STXBP5: variants seen among roughly 807,000 people sequenced by gnomAD.
The protein encoded by STXBP5 is syntaxin-binding protein 5.
Under a neutral mutation model 152.4 loss-of-function variants are expected in STXBP5, and 50 were observed. The observed-to-expected ratio is 0.33, with a 90% CI of 0.26 to 0.42. STXBP5 has a LOEUF of 0.42. STXBP5 is among the 10% of genes least tolerant of loss of function. The probability of loss-of-function intolerance (pLI) is 1.00; values close to 1 mark genes in which losing one functional copy is unlikely to be tolerated. For missense variants in STXBP5, 1,167 were observed against 1,388.6 expected (o/e 0.84, Z 2.54); for synonymous variants, 492 against 494.7 (o/e 0.99, Z 0.07).
At chr6:147,329,712 G>A (rs1354182350) in intron 18 of STXBP5, among the ~76,000 whole-genome samples, 3 of 125,538 alleles carry the variant, frequency 2.4e-5, no homozygotes, top group East Asian at 5.4e-4. Context: ...TGCAAGCTCC[G>A]CCTCCCGGGT....
intron 16 of STXBP5, 71 bp downstream of exon 16, chr6:147,316,478 G>T (rs1396586297): frequency 9.3e-6 from 12 of 1,287,190 alleles, no homozygotes; most frequent in Non-Finnish European, 1.1e-5. Context: ...AAGCATTAGA[G>T]CTATGGTAAC....
chr6:147,296,684 TAAAAAC>T (rs1781542819), intron 9 of STXBP5, among the ~76,000 whole-genome samples: 1 of 151,990 alleles, frequency 6.6e-6, no homozygotes, highest in Non-Finnish European at 1.5e-5. Context: ...AATGGTTTCT[TAAAAAC>T]AAAACTCAGC....
At chr6:147,310,603 A>G (rs1359883134) in intron 10 of STXBP5, among the ~76,000 whole-genome samples, 1 of 152,114 alleles carries the variant, frequency 6.6e-6, no homozygotes, top group African/African-American at 2.4e-5. Context: ...GGGGCTGGCC[A>G]GTCTGAAACC....
chr6:147,329,123 T>C (rs1005233012), intron 18 of STXBP5, among the ~76,000 whole-genome samples: 14 of 151,742 alleles, frequency 9.2e-5, no homozygotes, highest in African/African-American at 3.1e-4. Flanking sequence ...TTATACCTTA[T>C]ACTAGCTTAT....
chr6:147,220,003 T>C (rs1777380736), intron 2 of STXBP5, among the ~76,000 whole-genome samples: 1 of 151,880 alleles, frequency 6.6e-6, no homozygotes, highest in Admixed American at 6.6e-5. Context: ...CTTTAATATA[T>C]ATGAATTCAA....
At chr6:147,361,145 C>T (rs546942314) in intron 23 of STXBP5, among the ~76,000 whole-genome samples, 2 of 152,152 alleles carry the variant, frequency 1.3e-5, no homozygotes, top group Admixed American at 6.5e-5. Flanking sequence ...AAAATGTTAA[C>T]AGGAGTTATC....
intron 21 of STXBP5, among the ~76,000 whole-genome samples, chr6:147,343,610 C>G (rs1342230221): frequency 6.6e-6 from 1 of 152,148 alleles, no homozygotes; most frequent in African/African-American, 2.4e-5. Flanking sequence ...TTTCACACTT[C>G]ATACTCAACT....
intron 23 of STXBP5, among the ~76,000 whole-genome samples, chr6:147,363,013 A>G (rs185531795): frequency 2.6e-4 from 39 of 152,344 alleles, no homozygotes; most frequent in Admixed American, 1.5e-3. Context: ...TACTGGGTAT[A>G]AGAGAAAACA....
chr6:147,284,309 C>G (rs919503907), intron 8 of STXBP5, among the ~76,000 whole-genome samples: 1 of 152,132 alleles, frequency 6.6e-6, no homozygotes, highest in African/African-American at 2.4e-5. Context: ...CTCATCCTAA[C>G]TGGCAAAATT....
intron 7 of STXBP5, among the ~76,000 whole-genome samples, chr6:147,267,672 A>G (rs545218122): frequency 6.6e-6 from 1 of 151,822 alleles, no homozygotes; most frequent in Non-Finnish European, 1.5e-5. Flanking sequence ...TGTCTTTAAC[A>G]TGTTTTTTTG....
chr6:147,286,239 G>A (rs1392077245), intron 8 of STXBP5, among the ~76,000 whole-genome samples: 2 of 151,880 alleles, frequency 1.3e-5, no homozygotes, highest in Non-Finnish European at 2.9e-5. Flanking sequence ...GTCACTTCTT[G>A]GTTCCTGTAA....
intron 16 of STXBP5, among the ~76,000 whole-genome samples, chr6:147,320,322 C>T (rs1166252077): frequency 6.6e-6 from 1 of 152,110 alleles, no homozygotes; most frequent in Non-Finnish European, 1.5e-5. Flanking sequence ...AAGAACACTG[C>T]CTTTGCAGCA....
chr6:147,340,576 ATAT>A (rs373374617), intron 21 of STXBP5, among the ~76,000 whole-genome samples: 10 of 152,168 alleles, frequency 6.6e-5, no homozygotes, highest in African/African-American at 2.4e-4. Flanking sequence ...TTTTGTTGTC[ATAT>A]TATGCAAAAA....
intron 2 of STXBP5, among the ~76,000 whole-genome samples, chr6:147,231,468 A>G (rs1044668909): frequency 1.3e-5 from 2 of 151,916 alleles, no homozygotes; most frequent in Non-Finnish European, 2.9e-5. Flanking sequence ...GGTAGATATC[A>G]TAGCTGTTAG....
intron 9 of STXBP5, chr6:147,293,168 G>A (rs531569803): frequency 2.0e-5 from 3 of 152,042 alleles, no homozygotes; most frequent in African/African-American, 7.2e-5. Flanking sequence ...GTATATCATC[G>A]AGATTTGTGT....
chr6:147,231,922 T>C (rs1164571204), intron 2 of STXBP5, among the ~76,000 whole-genome samples: 4 of 151,902 alleles, frequency 2.6e-5, no homozygotes, highest in Non-Finnish European at 5.9e-5. Flanking sequence ...TGTTTTGTGA[T>C]AAATTCAATG....
chr6:147,221,746 T>G (rs1471907315), intron 2 of STXBP5, among the ~76,000 whole-genome samples: 1 of 149,048 alleles, frequency 6.7e-6, no homozygotes, highest in Non-Finnish European at 1.5e-5. Context: ...GTAGCTTTCT[T>G]TTTTTTTTTA....
At chr6:147,337,636 A>G (rs556031874) in intron 19 of STXBP5, among the ~76,000 whole-genome samples, 3 of 152,128 alleles carry the variant, frequency 2.0e-5, no homozygotes, top group African/African-American at 7.2e-5. Flanking sequence ...ATTAGTATCA[A>G]TAATACATTT....
intron 4 of STXBP5, among the ~76,000 whole-genome samples, chr6:147,246,017 A>G (rs751820351): frequency 6.6e-6 from 1 of 152,224 alleles, no homozygotes. Flanking sequence ...TGGCAGCTCT[A>G]GGAAACACAT....
Sources: allele counts gnomAD v4.1 joint callset (sites outside exome capture counted in the v4.1 genomes callset), GRCh38; gene constraint gnomAD v4.1.1; transcripts MANE v1.5; gene names NCBI Gene and HGNC (gene_info 2026-07-23, HGNC 2026-07-21).